LRRC4C: variants seen among roughly 807,000 people sequenced by gnomAD.
LRRC4C encodes leucine-rich repeat-containing protein 4C.
In LRRC4C, 5 loss-of-function variants were observed where a neutral mutation model predicts 33.6. That is an observed-to-expected ratio of 0.15 (90% CI 0.08 to 0.31). The LOEUF (loss-of-function observed/expected upper bound fraction) is 0.31, where lower values mean the gene tolerates loss of function less well. Among genes scored for constraint, LRRC4C ranks in the 10% least tolerant of loss-of-function variants. LRRC4C has a pLI of 1.00. For missense variants in LRRC4C, 560 were observed against 796.7 expected (o/e 0.70, Z 3.58); for synonymous variants, 329 against 302.0 (o/e 1.09, Z -0.93).
At chr11:41,370,242 G>A (rs1952694557) in intron 1 of LRRC4C, among the ~76,000 whole-genome samples, 1 of 152,084 alleles carries the variant, frequency 6.6e-6, no homozygotes, top group African/African-American at 2.4e-5. Context: ...GAAGTACAGT[G>A]GAACAATCAC....
chr11:40,616,474 G>C (rs533557828), intron 3 of LRRC4C, among the ~76,000 whole-genome samples: 5 of 151,384 alleles, frequency 3.3e-5, no homozygotes, highest in Non-Finnish European at 7.4e-5. Flanking sequence ...TGTTTATTGC[G>C]GCACTATTCA....
chr11:40,498,014 T>G (rs1954557850), intron 3 of LRRC4C, among the ~76,000 whole-genome samples: 1 of 152,224 alleles, frequency 6.6e-6, no homozygotes, highest in Admixed American at 6.5e-5. Flanking sequence ...ATGTAAATCT[T>G]ATTTAAATCG....
At chr11:41,419,783 A>G (rs1431723259) in intron 1 of LRRC4C, among the ~76,000 whole-genome samples, 1 of 151,932 alleles carries the variant, frequency 6.6e-6, no homozygotes, top group African/African-American at 2.4e-5. Context: ...AAAGTCACAT[A>G]TGAAGGTTTC....
chr11:40,466,335 G>A (rs922520995), intron 3 of LRRC4C, among the ~76,000 whole-genome samples: 3 of 151,622 alleles, frequency 2.0e-5, no homozygotes, highest in Non-Finnish European at 4.4e-5. Context: ...TTCAGGTGAT[G>A]GATACAATAC....
intron 2 of LRRC4C, among the ~76,000 whole-genome samples, chr11:40,799,583 C>A (rs547583145): frequency 6.6e-6 from 1 of 152,284 alleles, no homozygotes; most frequent in South Asian, 2.1e-4. Flanking sequence ...GAATCTCATG[C>A]CTCAGTATCC....
chr11:40,342,948 T>C (rs182843658), intron 3 of LRRC4C, among the ~76,000 whole-genome samples: 2 of 152,286 alleles, frequency 1.3e-5, no homozygotes, highest in African/African-American at 4.8e-5. Context: ...ATTGCCTATC[T>C]TTTGCCAAAT....
intron 2 of LRRC4C, among the ~76,000 whole-genome samples, chr11:40,864,311 C>G (rs1954248909): frequency 6.6e-6 from 1 of 152,086 alleles, no homozygotes; most frequent in East Asian, 1.9e-4. Context: ...ACAGGTGATT[C>G]ACCTGCCTTG....
chr11:40,727,319 G>A (rs574717601), intron 2 of LRRC4C, among the ~76,000 whole-genome samples: 42 of 152,202 alleles, frequency 2.8e-4, no homozygotes, highest in African/African-American at 9.9e-4. Flanking sequence ...AATAGGGGAA[G>A]GAGTCCCTAT....
intron 1 of LRRC4C, among the ~76,000 whole-genome samples, chr11:41,268,209 T>G (rs1313667405): frequency 6.6e-6 from 1 of 152,072 alleles, no homozygotes; most frequent in African/African-American, 2.4e-5. Flanking sequence ...GCTGGGGGCC[T>G]GCCATGCTCT....
At chr11:40,889,841 G>T (rs1955623028) in intron 2 of LRRC4C, among the ~76,000 whole-genome samples, 1 of 152,030 alleles carries the variant, frequency 6.6e-6, no homozygotes, top group Non-Finnish European at 1.5e-5. Flanking sequence ...ATAATAATAA[G>T]ATCTACTTCA....
intron 2 of LRRC4C, among the ~76,000 whole-genome samples, chr11:40,801,446 C>T (rs890613595): frequency 5.3e-5 from 8 of 152,138 alleles, no homozygotes; most frequent in Non-Finnish European, 1.2e-4. Context: ...TTACTTCTTT[C>T]TTATGTTACA....
At chr11:41,357,178 C>A (rs1002403319) in intron 1 of LRRC4C, among the ~76,000 whole-genome samples, 1 of 152,040 alleles carries the variant, frequency 6.6e-6, no homozygotes, top group Non-Finnish European at 1.5e-5. Context: ...AGTAGCACTA[C>A]ATTAGTCATC....
chr11:40,516,131 C>T (rs1955551172), intron 3 of LRRC4C, among the ~76,000 whole-genome samples: 1 of 151,958 alleles, frequency 6.6e-6, no homozygotes, highest in East Asian at 1.9e-4. Flanking sequence ...ACTATAGTGG[C>T]ATTACTTGCA....
intron 2 of LRRC4C, among the ~76,000 whole-genome samples, chr11:40,665,406 G>A (rs1192055169): frequency 7.7e-5 from 9 of 116,410 alleles, no homozygotes; most frequent in Non-Finnish European, 1.6e-4. Flanking sequence ...GTAGGAGTGA[G>A]AGGCTCATCT....
At chr11:40,565,877 C>A (rs1957739382) in intron 3 of LRRC4C, among the ~76,000 whole-genome samples, 1 of 151,918 alleles carries the variant, frequency 6.6e-6, no homozygotes, top group Admixed American at 6.6e-5. Flanking sequence ...AAGACAATTT[C>A]TATAATTCAG....
intron 1 of LRRC4C, among the ~76,000 whole-genome samples, chr11:40,944,864 G>C (rs182344014): frequency 6.2e-4 from 95 of 152,170 alleles, no homozygotes; most frequent in Non-Finnish European, 8.1e-4. Flanking sequence ...CCAATAACAA[G>C]AGAAAACAAA....
intron 1 of LRRC4C, among the ~76,000 whole-genome samples, chr11:41,205,390 C>G (rs1946558113): frequency 6.6e-6 from 1 of 152,086 alleles, no homozygotes; most frequent in African/African-American, 2.4e-5. Flanking sequence ...AACTTGGGGG[C>G]TCCTGAAATC....
At chr11:41,248,611 C>T (rs1948529494) in intron 1 of LRRC4C, among the ~76,000 whole-genome samples, 1 of 152,110 alleles carries the variant, frequency 6.6e-6, no homozygotes, top group South Asian at 2.1e-4. Flanking sequence ...TCACAGGAAC[C>T]ACCCACAGAT....
chr11:40,245,702 A>C (rs1866275078), intron 4 of LRRC4C, among the ~76,000 whole-genome samples: 1 of 152,120 alleles, frequency 6.6e-6, no homozygotes, highest in African/African-American at 2.4e-5. Context: ...CAAATTATTA[A>C]TCTATTCTAA....
Sources: gnomAD v4.1 joint callset for allele counts (sites outside exome capture counted in the v4.1 genomes callset) on GRCh38, gnomAD v4.1.1 for gene constraint, MANE v1.5 for transcripts, NCBI Gene and HGNC (gene_info 2026-07-23, HGNC 2026-07-21) for gene names.